Variants in KIAA1549L observed in about 807,000 individuals in gnomAD.
KIAA1549L encodes the protein KIAA1549 like, also known as UPF0606 protein KIAA1549L.
Under a neutral mutation model 160.7 loss-of-function variants are expected in KIAA1549L, and 88 were observed. The observed-to-expected ratio is 0.55, with a 90% confidence interval of 0.46 to 0.65. The LOEUF (loss-of-function observed/expected upper bound fraction) is 0.65, where lower values mean the gene tolerates loss of function less well. Among genes scored for constraint, KIAA1549L ranks in the 30% least tolerant of loss-of-function variants. The pLI is 0.00. For missense variants in KIAA1549L, 2,258 were observed against 2,437.5 expected, an observed-to-expected ratio of 0.93 and a Z score of 1.55; for synonymous variants, 950 against 976.7, an observed-to-expected ratio of 0.97 and a Z score of 0.51.
intron 17 of KIAA1549L, among the ~76,000 whole-genome samples, chr11:33,655,678 T>C (rs1590450264): frequency 6.6e-6 from 1 of 151,500 alleles, no homozygotes; most frequent in African/African-American, 2.4e-5. Context: ...TCTAGGGGAG[T>C]CTGGGGCTGG....
At chr11:33,665,401 G>A (rs1053032243) in intron 20 of KIAA1549L, 1 of 151,986 alleles carries the variant, frequency 6.6e-6, no homozygotes, top group Non-Finnish European at 1.5e-5. Context: ...TCAGCAGAGA[G>A]GAGGCCCTGG....
intron 1 of KIAA1549L, among the ~76,000 whole-genome samples, chr11:33,397,242 G>A (rs1319796160): frequency 6.8e-6 from 1 of 147,282 alleles, no homozygotes; most frequent in African/African-American, 2.5e-5. Flanking sequence ...GCTGAGGCAG[G>A]AGAATCGTTT....
intron 1 of KIAA1549L, among the ~76,000 whole-genome samples, chr11:33,447,372 C>T (rs1281340591): frequency 1.3e-5 from 2 of 152,158 alleles, no homozygotes; most frequent in Admixed American, 1.3e-4. Flanking sequence ...GACAGCTGCA[C>T]TTACACTCAT....
chr11:33,397,862 A>G (rs1033705476), intron 1 of KIAA1549L, among the ~76,000 whole-genome samples: 3 of 106,346 alleles, frequency 2.8e-5, no homozygotes, highest in Non-Finnish European at 4.8e-5. Context: ...TTTTTTGTTT[A>G]TTTGTTTTTT....
intron 6 of KIAA1549L, among the ~76,000 whole-genome samples, chr11:33,556,210 G>A (rs1854641948): frequency 6.6e-6 from 1 of 152,194 alleles, no homozygotes; most frequent in Non-Finnish European, 1.5e-5. Context: ...TTGCTAGTGG[G>A]AATGTCAAAT....
chr11:33,652,106 G>A lies in KIAA1549L; in HGVS notation c.5761-3906G>A, dbSNP rs370096521. ...CCAGAGGGCAGGGACCCCAAAAGAC[G>A]GGGTCCTTAGGTTTTCCTCACAGCC... On this transcript the variant is annotated intron_variant, in intron 17 of 20. Coordinates refer to ENST00000658780, the MANE Select transcript of KIAA1549L (RefSeq NM_012194.3). Among the ~76,000 whole-genome samples, 28 of 151,346 alleles carry A rather than the reference G, an allele frequency of 1.9e-4. 1 individual carries two copies. The highest frequency in any genetic ancestry group is 6.3e-4 in the African/African-American group (26 of 41,178).
chr11:33,389,901 T>A (rs1025955657), intron 1 of KIAA1549L, among the ~76,000 whole-genome samples: 1 of 152,188 alleles, frequency 6.6e-6, no homozygotes, highest in African/African-American at 2.4e-5. Flanking sequence ...AGGGGACAGA[T>A]CACCTAGCTA....
intron 1 of KIAA1549L, among the ~76,000 whole-genome samples, chr11:33,475,565 A>G (rs1238984394): frequency 6.6e-6 from 1 of 151,822 alleles, no homozygotes; most frequent in African/African-American, 2.4e-5. Flanking sequence ...CTTTAAAAAA[A>G]AAAAAGGCCA....
intron 1 of KIAA1549L, among the ~76,000 whole-genome samples, chr11:33,502,734 A>G (rs1852981063): frequency 1.3e-5 from 2 of 152,228 alleles, no homozygotes; most frequent in Admixed American, 1.3e-4. Context: ...ATGAGCTTCT[A>G]AGTCAGTGAG....
At chr11:33,533,766 A>G (rs1000096412) in intron 1 of KIAA1549L, among the ~76,000 whole-genome samples, 33 of 151,972 alleles carry the variant, frequency 2.2e-4, no homozygotes, top group African/African-American at 7.0e-4. Flanking sequence ...GGGAGGGATG[A>G]CTCATTTTAA....
intron 1 of KIAA1549L, among the ~76,000 whole-genome samples, chr11:33,430,941 C>T (rs546169184): frequency 6.6e-6 from 1 of 152,296 alleles, no homozygotes; most frequent in South Asian, 2.1e-4. Flanking sequence ...TGGACCCTCG[C>T]GGTGAGTGTT....
At chr11:33,613,830 T>C (rs1850710204) in intron 15 of KIAA1549L, among the ~76,000 whole-genome samples, 1 of 152,200 alleles carries the variant, frequency 6.6e-6, no homozygotes, top group African/African-American at 2.4e-5. Context: ...ACTAAATCTT[T>C]TAAAATCATT....
chr11:33,392,772 A>G (rs887384211), intron 1 of KIAA1549L, among the ~76,000 whole-genome samples: 2 of 152,174 alleles, frequency 1.3e-5, no homozygotes, highest in Non-Finnish European at 2.9e-5. Context: ...GTGAGTATCT[A>G]TCCTGCGTGT....
rs1262410019 is a variant in KIAA1549L, at chr11:33,498,694, G to C, written c.239-43108G>C. On this transcript the variant is annotated intron_variant, in intron 1 of 20. Transcript: ENST00000658780. ...CATTCTATTGTCAAAGCAATAACAAGGTCAGCCTAGATTCAAAGGGGGTGA... is the reference window on the plus strand; with the variant it reads ...CATTCTATTGTCAAAGCAATAACAACGTCAGCCTAGATTCAAAGGGGGTGA... Among the ~76,000 whole-genome samples, 6 of 152,164 alleles carry C rather than the reference G, an allele frequency of 3.9e-5. No homozygotes were observed. The East Asian group carries it at 1.2e-3, about 29-fold the overall frequency.
chr11:33,391,306 C>T (rs1200100398), intron 1 of KIAA1549L, among the ~76,000 whole-genome samples: 1 of 152,170 alleles, frequency 6.6e-6, no homozygotes, highest in Admixed American at 6.5e-5. Flanking sequence ...TGAAATTTTT[C>T]TTTGCTTCCA....
intron 13 of KIAA1549L, 79 bp downstream of exon 13, chr11:33,599,026 C>G: frequency 6.7e-7 from 1 of 1,500,160 alleles, no homozygotes; most frequent in Non-Finnish European, 9.1e-7. Context: ...CACGTGTGCA[C>G]AAACTCACAC....
intron 1 of KIAA1549L, among the ~76,000 whole-genome samples, chr11:33,440,019 C>T (rs1298581827): frequency 6.6e-6 from 1 of 151,016 alleles, no homozygotes; most frequent in Non-Finnish European, 1.5e-5. Flanking sequence ...TTATTTTTAC[C>T]ATCTTATTTT....
intron 4 of KIAA1549L, among the ~76,000 whole-genome samples, chr11:33,549,106 G>A (rs1010099626): frequency 1.3e-5 from 2 of 151,876 alleles, no homozygotes; most frequent in African/African-American, 4.8e-5. Flanking sequence ...TACAGTTTTG[G>A]TCTTTGCTGC....
intron 16 of KIAA1549L, among the ~76,000 whole-genome samples, chr11:33,623,913 T>G (rs1851026286): frequency 6.6e-6 from 1 of 152,162 alleles, no homozygotes; most frequent in South Asian, 2.1e-4. Context: ...ATCCCCTGCG[T>G]TCTGGACCCT....
Sources: allele counts gnomAD v4.1 joint callset (sites outside exome capture counted in the v4.1 genomes callset), GRCh38; gene constraint gnomAD v4.1.1; transcripts MANE v1.5; gene names NCBI Gene and HGNC (gene_info 2026-07-23, HGNC 2026-07-21).